The following CCDC60 variants were observed in gnomAD, a reference collection of about 807,000 sequenced individuals.
CCDC60 encodes coiled-coil domain-containing protein 60.
CCDC60 carries 54 observed loss-of-function variants against 63.5 expected under a neutral mutation model. The ratio of observed to expected loss-of-function variants is 0.85; its 90% confidence interval spans 0.68 to 1.07. The LOEUF (loss-of-function observed/expected upper bound fraction) is 1.07, where lower values mean the gene tolerates loss of function less well. Ranked by LOEUF, CCDC60 falls within the 50% of genes least tolerant of loss-of-function variation. CCDC60 has a pLI of 0.00. For synonymous variants in CCDC60, 206 were observed against 238.8 expected (o/e 0.86, Z 1.27); for missense variants, 651 against 684.3 (o/e 0.95, Z 0.54).
chr12:119,343,989 G>A lies in CCDC60; in HGVS notation c.90+8723G>A, dbSNP rs535141051. On this transcript the variant is annotated intron_variant, in intron 1 of 13. Transcript: ENST00000327554. ...AGTTACCCAAGTTTCTGTCCCAAAG[G>A]GTTGTCAAATTAGGGAGGACTTTGC... Among the ~76,000 whole-genome samples the A allele has an allele frequency of 4.6e-5, 7 of 152,060 alleles. No individual in the cohort carries two copies. In the South Asian group the frequency reaches 1.5e-3, roughly 32 times the overall value.
intron 10 of CCDC60, 133 bp from the exon 11 acceptor site, chr12:119,523,560 A>T: frequency 8.1e-7 from 1 of 1,234,522 alleles, no homozygotes; most frequent in Non-Finnish European, 1.1e-6. Flanking sequence ...AGGTGAGGGC[A>T]GAGAACCCAG....
At chr12:119,484,531 CA>C (rs1187589812) in intron 4 of CCDC60, among the ~76,000 whole-genome samples, 1 of 151,870 alleles carries the variant, frequency 6.6e-6, no homozygotes, top group Non-Finnish European at 1.5e-5. Context: ...GCCTGGGCAA[CA>C]TGGCAAAACC....
At chr12:119,506,422 G>A (rs1479424869) in intron 7 of CCDC60, among the ~76,000 whole-genome samples, 3 of 139,758 alleles carry the variant, frequency 2.1e-5, no homozygotes, top group Non-Finnish European at 4.6e-5. Context: ...GGGCAACGTG[G>A]TGAAACCTCA....
chr12:119,500,080 A>T lies in CCDC60; in HGVS notation c.560A>T (p.Asp187Val), dbSNP rs1951811558. The change falls in exon 6 of 14, where the codon GAC becomes GTC. Residue 187 changes from aspartate to valine, a missense_variant and splice_region_variant. Asp to Val is a radical substitution (Grantham distance 152). Transcript: ENST00000327554. ...TCATTAAGCTGTTTCTCACTCAGGGACCCGGGTGGAAGCAAGAGCACCATT... is the reference window on the plus strand; with the variant it reads ...TCATTAAGCTGTTTCTCACTCAGGGTCCCGGGTGGAAGCAAGAGCACCATT... ...KPVITCWNPKDPGGSKSTIKK... is the reference protein window; with the variant it reads ...KPVITCWNPKVPGGSKSTIKK... 2 of 1,586,832 alleles carry T rather than the reference A, an allele frequency of 1.3e-6. No homozygotes were observed. The highest frequency in any genetic ancestry group is 1.7e-5 in the Admixed American group (1 of 59,850).
chr12:119,433,719 T>C (rs1161580156), intron 2 of CCDC60: 2 of 628,912 alleles, frequency 3.2e-6, no homozygotes, highest in African/African-American at 1.8e-5. Context: ...CAAACTATTT[T>C]ACTGTCTCTT....
chr12:119,386,918 GA>G, intron 1 of CCDC60, among the ~76,000 whole-genome samples: 1 of 152,030 alleles, frequency 6.6e-6, no homozygotes, highest in Middle Eastern at 3.4e-3. Context: ...ACACAGGGTG[GA>G]TATTTCTATG....
chr12:119,410,201 C>CTG lies in CCDC60; in HGVS notation c.91-18463_91-18462dup, dbSNP rs975220282. ...GGAAAGAGTGTGTGTGTGTGTGTGTCTGTGTGTGTGTGTGTGTGTGGTTTC... is the reference window on the plus strand; with the variant it reads ...GGAAAGAGTGTGTGTGTGTGTGTGTCTGTGTGTGTGTGTGTGTGTGTGGTTTC... On this transcript the variant is annotated intron_variant, in intron 1 of 13. Coordinates refer to ENST00000327554, the MANE Select transcript of CCDC60 (RefSeq NM_178499.5). This position sits in a 1 kb window ranked among gnomAD's most constrained non-coding sequence, Gnocchi z 4.0. Among the ~76,000 whole-genome samples, 4,973 of 31,760 alleles carry CTG rather than the reference C, an allele frequency of 0.16. 268 individuals carry two copies. The highest frequency in any genetic ancestry group is 0.32 in the African/African-American group (4,604 of 14,214). The allele number at this position is 31,760 out of a possible 152,430, so 20.8% of individuals were successfully genotyped here.
rs1008501643 is a variant in CCDC60 at position 119,456,281 on chromosome 12, G to A, written c.171-15713G>A. On this transcript the variant is annotated intron_variant, in intron 2 of 13. Transcript: ENST00000327554. This position sits in a 1 kb window ranked among gnomAD's most constrained non-coding sequence, Gnocchi z 4.6. The stretch of plus-strand genomic sequence containing the variant: ...TTCAAAAAAGCCCTGGGGCAGCCAG[G>A]TGGCCAATAGGAAGGAAAAGACCTG... Among the ~76,000 whole-genome samples the A allele has an allele frequency of 1.6e-4, 25 of 152,306 alleles. No individual in the cohort carries two copies. Among genetic ancestry groups the A allele is most frequent in the Non-Finnish European group, 3.1e-4 (21 of 68,024 alleles).
rs1491175574 is a variant in CCDC60 at position 119,410,199 on chromosome 12, GTC to G, written c.91-18482_91-18481del. 0.22 allele frequency among the ~76,000 whole-genome samples: 31,841 copies of G among 142,014 alleles called. 3,349 individuals are homozygous for G. The highest frequency in any genetic ancestry group is 0.4 in the South Asian group (1,830 of 4,576). The allele number at this position is 142,014 out of a possible 152,430, so 93.2% of individuals were successfully genotyped here. On this transcript the variant is annotated intron_variant, in intron 1 of 13. Transcript: ENST00000327554. This position sits in a 1 kb window ranked among gnomAD's most constrained non-coding sequence, Gnocchi z 4.0. Reference sequence around the variant, plus strand: ...TTGGAAAGAGTGTGTGTGTGTGTGTGTCTGTGTGTGTGTGTGTGTGTGGTTTC... The same window carrying G: ...TTGGAAAGAGTGTGTGTGTGTGTGTGTGTGTGTGTGTGTGTGTGTGGTTTC...
At chr12:119,337,355 C>A (rs940472755) in intron 1 of CCDC60, among the ~76,000 whole-genome samples, 7 of 152,172 alleles carry the variant, frequency 4.6e-5, no homozygotes, top group Admixed American at 2.0e-4. Flanking sequence ...GCGGGAGCAG[C>A]AGACAGAATC....
rs910427209 is a variant in CCDC60, at chr12:119,339,362, G to T, written c.90+4096G>T. Among the ~76,000 whole-genome samples the T allele has an allele frequency of 6.6e-5, 10 of 152,320 alleles. No individual in the cohort carries two copies. The East Asian group carries it at 1.5e-3, about 24-fold the overall frequency. On this transcript the variant is annotated intron_variant, in intron 1 of 13. Transcript: ENST00000327554. ...CTTTATACAAGCTCTGTCTCTTAGT[G>T]TCTGAACTTTCCACCTCGTTGTCAT... is the stretch of plus-strand genomic sequence containing the variant.
intron 2 of CCDC60, among the ~76,000 whole-genome samples, chr12:119,429,150 G>A (rs1956953191): frequency 6.6e-6 from 1 of 152,184 alleles, no homozygotes; most frequent in Non-Finnish European, 1.5e-5. Flanking sequence ...TGCTGGAGGA[G>A]TTATTTAAAC....
chr12:119,436,691 A>C (rs955877505), intron 2 of CCDC60, among the ~76,000 whole-genome samples: 1 of 151,978 alleles, frequency 6.6e-6, no homozygotes, highest in African/African-American at 2.4e-5. Context: ...GGTGTGCACC[A>C]CCTTGCCCAG....
At chr12:119,428,233 C>A (rs576835622) in intron 1 of CCDC60, among the ~76,000 whole-genome samples, 3 of 152,232 alleles carry the variant, frequency 2.0e-5, no homozygotes, top group African/African-American at 7.2e-5. Flanking sequence ...CTGCTAAAAC[C>A]ACCAATAATA....
At chr12:119,396,758 G>A (rs1198711457) in intron 1 of CCDC60, among the ~76,000 whole-genome samples, 1 of 152,214 alleles carries the variant, frequency 6.6e-6, no homozygotes, top group East Asian at 1.9e-4. Flanking sequence ...GTGTGTGCCT[G>A]TGGTCCTAGC....
At chr12:119,349,118 A>C (rs1306897255) in intron 1 of CCDC60, among the ~76,000 whole-genome samples, 9 of 152,130 alleles carry the variant, frequency 5.9e-5, no homozygotes. Context: ...CATCATTTTT[A>C]ACCATTATGC....
rs559661102 is a variant in CCDC60, at chr12:119,394,279, C to T, written c.91-34404C>T. Among the ~76,000 whole-genome samples, 25 of 152,330 alleles carry T rather than the reference C, an allele frequency of 1.6e-4. No homozygotes were observed. In the South Asian group the frequency reaches 5.0e-3, roughly 30 times the overall value. ...AAGCAGAAGCTTGAGGATTTGAAACCTATGTCTGTCTGATACTAAAATCCG... is the reference window on the plus strand; with the variant it reads ...AAGCAGAAGCTTGAGGATTTGAAACTTATGTCTGTCTGATACTAAAATCCG... On this transcript the variant is annotated intron_variant, in intron 1 of 13. Coordinates refer to ENST00000327554, the MANE Select transcript of CCDC60 (RefSeq NM_178499.5).
intron 2 of CCDC60, among the ~76,000 whole-genome samples, chr12:119,458,453 A>G (rs1950789003): frequency 6.6e-6 from 1 of 152,144 alleles, no homozygotes; most frequent in Non-Finnish European, 1.5e-5. Context: ...TTTTAAGTAC[A>G]TCTGGGCTCT....
At chr12:119,349,436 C>G (rs992778748) in intron 1 of CCDC60, among the ~76,000 whole-genome samples, 4 of 151,042 alleles carry the variant, frequency 2.6e-5, no homozygotes, top group Non-Finnish European at 5.9e-5. Flanking sequence ...ACCTCTGCCT[C>G]CCAGATTCAA....
Sources: allele counts gnomAD v4.1 joint callset (sites outside exome capture counted in the v4.1 genomes callset), GRCh38; gene constraint gnomAD v4.1.1; non-coding constraint Gnocchi (gnomAD v3.1); transcripts MANE v1.5; gene names NCBI Gene and HGNC (gene_info 2026-07-23, HGNC 2026-07-21).